XKR9: variants seen among roughly 807,000 people sequenced by gnomAD.
The protein encoded by XKR9 is XK-related protein 9.
Under a neutral mutation model 32.0 loss-of-function variants are expected in XKR9, and 32 were observed. The ratio of observed to expected loss-of-function variants is 1.00; its 90% CI spans 0.76 to 1.34. The LOEUF (loss-of-function observed/expected upper bound fraction) is 1.34. Among genes scored for constraint, XKR9 ranks in the 40% most tolerant of loss-of-function variants. The pLI is 0.00. For missense variants in XKR9, 546 were observed against 429.7 expected (o/e 1.27, Z -2.39); for synonymous variants, 168 against 143.4 (o/e 1.17, Z -1.22).
chr8:70,894,583 C>G, the XKR9 span, among the ~76,000 whole-genome samples: 1 of 152,132 alleles, frequency 6.6e-6, no homozygotes, highest in African/African-American at 2.4e-5. Context: ...AGGAACTATT[C>G]TGAGTGGCCC....
At chr8:71,025,337 T>C in the XKR9 span, among the ~76,000 whole-genome samples, 1 of 152,240 alleles carries the variant, frequency 6.6e-6, no homozygotes, top group Non-Finnish European at 1.5e-5. Flanking sequence ...ATTTTTATTT[T>C]ATAGTTCAAC....
In XKR9 at chr8:70,734,285, CTCT is replaced by C. The variant is rs1289990998; in HGVS notation, c.991_993del (p.Leu331del). On this transcript the variant is annotated inframe_deletion, in exon 5 of 5. Coordinates refer to ENST00000408926, the MANE Select transcript of XKR9 (RefSeq NM_001011720.2). ...CCTATCAGTATAACTATAGTTCTTA[CTCT>C]TCTTCTTGGAATTCTTTTTCTTATT... The C allele has an allele frequency of 5.6e-6, 9 of 1,612,610 alleles. No individual in the cohort carries two copies. Among genetic ancestry groups the C allele is most frequent in the South Asian group, 1.1e-5 (1 of 90,992 alleles).
chr8:70,961,701 T>G, the XKR9 span, among the ~76,000 whole-genome samples: 3 of 152,180 alleles, frequency 2.0e-5, no homozygotes, highest in Non-Finnish European at 4.4e-5. Flanking sequence ...TTTTATTATT[T>G]TCCTTATACT....
chr8:70,799,950 G>T, the XKR9 span, among the ~76,000 whole-genome samples: 3 of 152,164 alleles, frequency 2.0e-5, no homozygotes, highest in African/African-American at 7.2e-5. Flanking sequence ...GGTTTTCAAG[G>T]AGAATGTTTC....
At chr8:70,975,681 C>T in the XKR9 span, among the ~76,000 whole-genome samples, 1 of 152,170 alleles carries the variant, frequency 6.6e-6, no homozygotes, top group Non-Finnish European at 1.5e-5. Flanking sequence ...AGCGCGATGC[C>T]TCTAGCTTTG....
At chr8:70,736,894 G>C (rs1806872795), downstream of XKR9, among the ~76,000 whole-genome samples, 1 of 152,014 alleles carries the variant, frequency 6.6e-6, no homozygotes, top group Admixed American at 6.5e-5. Context: ...TTTGAAGTCA[G>C]GTAGCGTGAT....
chr8:70,733,907 A>G lies in XKR9; in HGVS notation c.605A>G (p.Lys202Arg). 1 of 1,612,912 alleles carries G rather than the reference A, an allele frequency of 6.2e-7. No individual in the cohort carries two copies. Among genetic ancestry groups the G allele is most frequent in the Non-Finnish European group, 8.5e-7 (1 of 1,179,718 alleles). ...AAGCTTCTTAATGGATTATGTCCCA[A>G]AATCACATATCTCTTTTACAAGTTG... ...DKKLLNGLCP[K>R]ITYLFYKLFT... is the part of the protein sequence containing the mutation. The change falls in exon 5 of 5, where the codon AAA becomes AGA. Residue 202 changes from lysine to arginine, a missense_variant. Transcript: ENST00000408926.
At chr8:70,878,071 G>A in the XKR9 span, among the ~76,000 whole-genome samples, 1 of 152,104 alleles carries the variant, frequency 6.6e-6, no homozygotes, top group African/African-American at 2.4e-5. Context: ...AGCTTCATAA[G>A]TGCAGGAGAA....
chr8:70,821,365 A>G, the XKR9 span, among the ~76,000 whole-genome samples: 1 of 152,148 alleles, frequency 6.6e-6, no homozygotes, highest in African/African-American at 2.4e-5. Context: ...ACAGGCTGGC[A>G]TTGTCTGCAG....
At chr8:70,818,674 A>T in the XKR9 span, among the ~76,000 whole-genome samples, 1 of 152,324 alleles carries the variant, frequency 6.6e-6, no homozygotes, top group East Asian at 1.9e-4. Flanking sequence ...GTTGTGCTGA[A>T]TACATTTGAT....
the XKR9 span, among the ~76,000 whole-genome samples, chr8:71,058,650 G>T: frequency 6.6e-6 from 1 of 152,202 alleles, no homozygotes; most frequent in East Asian, 1.9e-4. Flanking sequence ...GAAGACACTT[G>T]ACTTGGGCTA....
the XKR9 span, among the ~76,000 whole-genome samples, chr8:70,833,830 G>A: frequency 3.3e-5 from 5 of 151,770 alleles, no homozygotes; most frequent in African/African-American, 1.2e-4. Context: ...TAAATGTTTG[G>A]TGCCCCTCCA....
intron 4 of XKR9, among the ~76,000 whole-genome samples, chr8:70,719,371 A>G (rs540069015): frequency 2.0e-5 from 3 of 151,664 alleles, no homozygotes; most frequent in African/African-American, 7.3e-5. Context: ...AGTCATGAAG[A>G]CTTTGCCCAT....
chr8:70,791,112 A>C (rs147255132), downstream of XKR9, among the ~76,000 whole-genome samples: 16 of 152,216 alleles, frequency 1.1e-4, no homozygotes, highest in East Asian at 2.7e-3. Context: ...TTCAGGCCAT[A>C]GCAACAGCAG....
At chr8:70,739,382 C>T (rs1177560971), downstream of XKR9, among the ~76,000 whole-genome samples, 1 of 152,158 alleles carries the variant, frequency 6.6e-6, no homozygotes, top group African/African-American at 2.4e-5. Flanking sequence ...AGATGGGTTT[C>T]CTGAATACAG....
chr8:70,853,263 G>C, the XKR9 span, among the ~76,000 whole-genome samples: 2 of 151,980 alleles, frequency 1.3e-5, no homozygotes, highest in Non-Finnish European at 2.9e-5. Flanking sequence ...TGGCAGTGAG[G>C]CGTGGGGTGT....
the XKR9 span, among the ~76,000 whole-genome samples, chr8:70,887,778 C>A: frequency 6.6e-6 from 1 of 151,912 alleles, no homozygotes; most frequent in East Asian, 1.9e-4. Context: ...TTTATTGTAT[C>A]CTGAGACTTT....
chr8:71,041,253 G>T, the XKR9 span, among the ~76,000 whole-genome samples: 1,998 of 152,192 alleles, frequency 0.013, 46 homozygotes, highest in African/African-American at 0.045. Flanking sequence ...TGAAAATTCT[G>T]CTTGTAATTA....
chr8:70,723,935 G>T (rs1358546852), intron 4 of XKR9, among the ~76,000 whole-genome samples: 1 of 151,460 alleles, frequency 6.6e-6, no homozygotes, highest in Non-Finnish European at 1.5e-5. Context: ...GCCCAGGCGG[G>T]AGTGCAGTGG....
Sources: allele counts gnomAD v4.1 joint callset (sites outside exome capture counted in the v4.1 genomes callset), GRCh38; gene constraint gnomAD v4.1.1; transcripts MANE v1.5; gene names NCBI Gene and HGNC (gene_info 2026-07-23, HGNC 2026-07-21).